Variants in CASP9 observed in about 807,000 individuals in gnomAD.
The protein encoded by CASP9 is caspase-9.
Under a neutral mutation model 43.5 loss-of-function variants are expected in CASP9, and 29 were observed. That is an observed-to-expected ratio of 0.67 (90% CI 0.50 to 0.91). The LOEUF (loss-of-function observed/expected upper bound fraction) is 0.91. Ranked by LOEUF, CASP9 falls within the 40% of genes least tolerant of loss-of-function variation. The pLI, the probability that CASP9 is intolerant of heterozygous loss-of-function variation, is 0.00. For missense variants in CASP9, 575 were observed against 537.4 expected (o/e 1.07, Z -0.69); for synonymous variants, 206 against 211.9 (o/e 0.97, Z 0.24).
rs758959880 is a variant in CASP9, at chr1:15,493,976, C to T, written c.1074G>A (p.Lys358=). The T allele has an allele frequency of 6.3e-7, 1 of 1,599,346 alleles. No homozygotes were observed. ...FPGFVSWRDP[K]SGSWYVETLD... ...GGGTCTCAACGTACCAGGAGCCACT[C>T]TTGGGGTCCCTCCAGGAAACAAAAC... Residue 358 remains lysine (K), a synonymous_variant, in exon 8 of 9, where the codon AAG becomes AAA. Coordinates refer to ENST00000333868, the MANE Select transcript of CASP9 (RefSeq NM_001229.5).
intron 4 of CASP9, 41 bp downstream of exon 4, chr1:15,506,858 C>A: frequency 1.3e-6 from 2 of 1,516,440 alleles, no homozygotes; most frequent in Non-Finnish European, 9.1e-7. Context: ...TCCCCACCCA[C>A]TGCCCCCCAC....
At chr1:15,522,010 T>C (rs1710222582) in intron 1 of CASP9, among the ~76,000 whole-genome samples, 1 of 152,226 alleles carries the variant, frequency 6.6e-6, no homozygotes, top group Non-Finnish European at 1.5e-5. Flanking sequence ...GTTGGCTACA[T>C]GCAAATAGAT....
chr1:15,512,682 C>T (rs139613326), intron 2 of CASP9, among the ~76,000 whole-genome samples: 2 of 151,964 alleles, frequency 1.3e-5, no homozygotes, highest in East Asian at 1.9e-4. Context: ...TATATATATA[C>T]ACACACAAAA....
rs1570833829 is a variant in CASP9 at position 15,499,451 on chromosome 1, A to C, written c.869-3999T>G. 2.0e-5 allele frequency among the ~76,000 whole-genome samples: 3 copies of C among 152,210 alleles called. No homozygotes were observed. In the East Asian group the frequency reaches 5.8e-4, roughly 29 times the overall value. ...CATTTGTACTTCTTGCACTATGGCAAATCCTTTTCTAGAATCAAAGAAGCC... is the reference window on the plus strand; with the variant it reads ...CATTTGTACTTCTTGCACTATGGCACATCCTTTTCTAGAATCAAAGAAGCC... On this transcript the variant is annotated intron_variant, in intron 6 of 8. Transcript: ENST00000333868.
rs754973534 is a variant in CASP9 at position 15,492,955 on chromosome 1, A to T, written c.1239T>A (p.Phe413Leu). Residue 413 changes from phenylalanine to leucine, a missense_variant, in exon 9 of 9, where the codon TTT (phenylalanine) becomes TTA (leucine). By Grantham distance (22) the Phe-to-Leu change is conservative. Coordinates refer to ENST00000333868, the MANE Select transcript of CASP9 (RefSeq NM_001229.5). ...CFNFLRKKLF[F>L]KTS The stretch of plus-strand genomic sequence containing the variant: ...AGGGGCCCTGGCCTTATGATGTTTT[A>T]AAGAAAAGTTTTTTCCGGAGGAAAT... 6.2e-7 allele frequency: 1 copy of T among 1,613,928 alleles called. No homozygotes were observed. Among genetic ancestry groups the T allele is most frequent in the Admixed American group, 1.7e-5 (1 of 60,024 alleles).
intron 2 of CASP9, among the ~76,000 whole-genome samples, chr1:15,512,668 G>GAT (rs909570133): frequency 1.2e-4 from 18 of 151,480 alleles, no homozygotes; most frequent in East Asian, 9.7e-4. Context: ...TTTAGATAAA[G>GAT]ATATATATAT....
At chr1:15,520,897 C>T (rs1467102288) in intron 1 of CASP9, among the ~76,000 whole-genome samples, 1 of 152,092 alleles carries the variant, frequency 6.6e-6, no homozygotes, top group Non-Finnish European at 1.5e-5. Context: ...GTGGCTCAAG[C>T]CTGTAATCCC....
At chr1:15,499,273 TAA>T (rs1473889030) in intron 6 of CASP9, among the ~76,000 whole-genome samples, 1 of 152,242 alleles carries the variant, frequency 6.6e-6, no homozygotes, top group East Asian at 1.9e-4. Context: ...ATTTTATCTC[TAA>T]AATCAGTCGT....
chr1:15,518,370 T>G lies in CASP9; in HGVS notation c.158A>C (p.Asp53Ala). Residue 53 changes from aspartate to alanine, a missense_variant, in exon 2 of 9, where the codon GAT becomes GCT. Asp to Ala is a moderately radical substitution (Grantham distance 126). Coordinates refer to ENST00000333868, the MANE Select transcript of CASP9 (RefSeq NM_001229.5). ...ATCTATGATCAGCTGCCTGGCCTGA[T>G]CCCGCCGAGATCCAGAGCCTGCCCG... is the stretch of plus-strand genomic sequence containing the variant. Reference protein sequence around the residue: ...IQRAGSGSRRDQARQLIIDLE... With the variant: ...IQRAGSGSRRAQARQLIIDLE... The G allele has an allele frequency of 6.2e-7, 1 of 1,612,680 alleles. No individual in the cohort carries two copies. The highest frequency in any genetic ancestry group is 8.5e-7 in the Non-Finnish European group (1 of 1,179,310).
At position 15,506,000 on chromosome 1, in the gene CASP9, T is replaced by G. The variant is rs146054764; in HGVS notation, c.710A>C (p.His237Pro). 1.8e-3 allele frequency: 2,943 copies of G among 1,613,792 alleles called. No individual in the cohort carries two copies. The highest frequency in any genetic ancestry group is 2.2e-3 in the Non-Finnish European group (2,539 of 1,179,740). Residue 237 changes from histidine to proline, a missense_variant, in exon 5 of 9, where the codon CAC becomes CCC. His to Pro is a moderately conservative substitution (Grantham distance 77, BLOSUM62 -2). Transcript: ENST00000333868. ...LDCCVVVILS[H>P]GCQASHLQFP... ...TGGGAGGCTTCCTACCTGACAGCCG[T>G]GAGAGAGAATGACCACCACGCAGCA... is the stretch of plus-strand genomic sequence containing the variant.
chr1:15,507,471 T>G (rs975726090), intron 3 of CASP9, among the ~76,000 whole-genome samples: 1 of 152,226 alleles, frequency 6.6e-6, no homozygotes, highest in South Asian at 2.1e-4. Flanking sequence ...CTTTTGTTGA[T>G]GGTACTTATC....
chr1:15,505,975 TG>T lies in CASP9; in HGVS notation c.720+14del. On this transcript the variant is annotated intron_variant, in intron 5 of 8. Coordinates refer to ENST00000333868, the MANE Select transcript of CASP9 (RefSeq NM_001229.5). ...TACCCAATGCCTGCCCAGGGAACAG[TG>T]GGAGGCTTCCTACCTGACAGCCGTG... The T allele has an allele frequency of 1.2e-6, 2 of 1,606,128 alleles. No individual in the cohort carries two copies. Among genetic ancestry groups the T allele is most frequent in the Non-Finnish European group, 1.7e-6 (2 of 1,172,790 alleles).
At chr1:15,514,311 G>A (rs576659542) in intron 2 of CASP9, among the ~76,000 whole-genome samples, 85 of 152,276 alleles carry the variant, frequency 5.6e-4, no homozygotes, top group Non-Finnish European at 1.1e-3. Flanking sequence ...ATCCTTTCCT[G>A]TATTCACTTA....
In CASP9 at chr1:15,506,049, G is replaced by A. The variant is rs769991705; in HGVS notation, c.661C>T (p.Gln221Ter). The change falls in exon 5 of 9, where the codon CAG becomes TAG. Residue 221 changes from glutamine to a stop codon, truncating the protein, a stop_gained. Coordinates refer to ENST00000333868, the MANE Select transcript of CASP9 (RefSeq NM_001229.5). LOFTEE classifies it high-confidence loss of function. Reference protein sequence around the residue: ...KMVLALLELAQQDHGALDCCV... With the variant: ...KMVLALLELA ...CAGTCCAGAGCACCGTGGTCCTGCT[G>A]CGCCAGCTCCAGCAAAGCCAGCACC... 9 of 1,613,872 alleles carry A rather than the reference G, an allele frequency of 5.6e-6. No homozygotes were observed. The highest frequency in any genetic ancestry group is 4.0e-5 in the African/African-American group (3 of 74,898).
intron 6 of CASP9, among the ~76,000 whole-genome samples, chr1:15,497,309 TAAAA>T (rs200717519): frequency 0.12 from 12,049 of 101,596 alleles, 574 homozygotes; most frequent in African/African-American, 0.16. Context: ...GGACTCCATC[TAAAA>T]AAAAAAAAAA....
chr1:15,519,224 G>C (rs942713120), intron 1 of CASP9, among the ~76,000 whole-genome samples: 1 of 151,918 alleles, frequency 6.6e-6, no homozygotes, highest in African/African-American at 2.4e-5. Flanking sequence ...CTGTCACCCA[G>C]GCTGGAATGC....
intron 1 of CASP9, among the ~76,000 whole-genome samples, chr1:15,522,584 A>C (rs1237089689): frequency 1.3e-5 from 2 of 152,184 alleles, no homozygotes; most frequent in African/African-American, 4.8e-5. Context: ...GCATGGTGGC[A>C]TGTGCCTAAA....
intron 1 of CASP9, among the ~76,000 whole-genome samples, chr1:15,520,400 G>A (rs954848042): frequency 2.6e-5 from 4 of 152,234 alleles, no homozygotes; most frequent in African/African-American, 9.6e-5. Flanking sequence ...TAGGTATAGA[G>A]ATGATCATGG....
intron 6 of CASP9, 87 bp from the exon 7 acceptor site, chr1:15,495,539 C>T: frequency 8.7e-7 from 1 of 1,143,264 alleles, no homozygotes; most frequent in South Asian, 1.9e-5. Flanking sequence ...CAATATACTA[C>T]ATTAACAGTG....
Sources: gnomAD v4.1 joint callset for allele counts (sites outside exome capture counted in the v4.1 genomes callset) on GRCh38, gnomAD v4.1.1 for gene constraint, MANE v1.5 for transcripts, NCBI Gene and HGNC (gene_info 2026-07-23, HGNC 2026-07-21) for gene names.